The following RUFY4 variants were observed in gnomAD, a reference collection of about 807,000 sequenced individuals.
The protein encoded by RUFY4 is RUN and FYVE domain-containing protein 4.
In RUFY4, 73 loss-of-function variants were observed where a neutral mutation model predicts 69.0. The ratio of observed to expected loss-of-function variants is 1.06; its 90% CI spans 0.88 to 1.29. The LOEUF is 1.29. RUFY4 is among the 50% of genes most tolerant of loss of function. The pLI is 0.00. For missense variants in RUFY4, 770 were observed against 705.6 expected (o/e 1.09, Z -1.03); for synonymous variants, 287 against 271.8 (o/e 1.06, Z -0.55).
At chr2:218,058,285 CA>C (rs772828519) in intron 2 of RUFY4, among the ~76,000 whole-genome samples, 60 of 152,244 alleles carry the variant, frequency 3.9e-4, no homozygotes, top group African/African-American at 1.4e-3. Flanking sequence ...CGTTTTAAAA[CA>C]TTTTCATTGT....
In RUFY4 at chr2:218,060,871, G is replaced by A. The variant is rs775956322; in HGVS notation, c.-1071+2190G>A. 94 of 1,359,098 alleles carry A rather than the reference G, an allele frequency of 6.9e-5. 1 individual carries two copies. Among genetic ancestry groups the A allele is most frequent in the Admixed American group, 3.0e-4 (18 of 59,466 alleles). 84.2% of individuals were successfully genotyped at this position (1,359,098 alleles called of 1,614,324 possible). On this transcript the variant is annotated intron_variant and NMD_transcript_variant, in intron 3 of 13. Transcript: ENST00000457754. ...ACATTGGATGGGTAGAAGGTCCTTC[G>A]GAAAAGCAAGATGCGTAGGGACAGT...
At chr2:218,039,131 C>G (rs1274389036) in intron 2 of RUFY4, among the ~76,000 whole-genome samples, 8 of 152,158 alleles carry the variant, frequency 5.3e-5, no homozygotes, top group Non-Finnish European at 4.4e-5. Context: ...CTTTAAACTT[C>G]CTGTCACTAT....
intron 2 of RUFY4, among the ~76,000 whole-genome samples, chr2:218,054,516 C>G (rs539196868): frequency 6.2e-4 from 92 of 148,574 alleles, no homozygotes; most frequent in African/African-American, 2.1e-3. Flanking sequence ...GATCACACAA[C>G]TGCCCTCCAG....
chr2:218,071,506 G>C (rs1178187521), intron 2 of RUFY4, among the ~76,000 whole-genome samples: 1 of 151,826 alleles, frequency 6.6e-6, no homozygotes, highest in Non-Finnish European at 1.5e-5. Flanking sequence ...AAGCAGGAAG[G>C]CTTTTCTGGG....
At chr2:218,043,894 C>T (rs528908443) in intron 2 of RUFY4, among the ~76,000 whole-genome samples, 1 of 152,228 alleles carries the variant, frequency 6.6e-6, no homozygotes, top group Non-Finnish European at 1.5e-5. Flanking sequence ...ATCTCGGCTT[C>T]CCTCCCATGC....
chr2:218,075,054 G>A, intron 6 of RUFY4, 39 bp from the exon 9 acceptor site: 1 of 1,479,512 alleles, frequency 6.8e-7, no homozygotes, highest in Non-Finnish European at 9.0e-7. Context: ...CAGTGAATTG[G>A]TGCTGAGAGG....
intron 3 of RUFY4, chr2:218,060,521 T>C: frequency 7.7e-7 from 1 of 1,296,012 alleles, no homozygotes; most frequent in Non-Finnish European, 1.1e-6. Flanking sequence ...ATGCCCAGAA[T>C]CTCAGTGGCA....
At chr2:218,088,757 C>T (rs900615167) in intron 9 of RUFY4, among the ~76,000 whole-genome samples, 1 of 152,136 alleles carries the variant, frequency 6.6e-6, no homozygotes, top group Non-Finnish European at 1.5e-5. Flanking sequence ...TCATTTCTCT[C>T]CGTCTTTCTC....
At chr2:218,060,597 G>A (rs780373259) in intron 3 of RUFY4, 1 of 1,342,120 alleles carries the variant, frequency 7.5e-7, no homozygotes, top group South Asian at 1.2e-5. Flanking sequence ...TTCCCATGAG[G>A]GTGTCTGCCA....
Position 218,076,081 on chromosome 2 carries a change from G to A in RUFY4, c.1248+341G>A, listed in dbSNP as rs142897240. Among the ~76,000 whole-genome samples, 14 of 152,260 alleles carry A rather than the reference G, an allele frequency of 9.2e-5. No individual in the cohort carries two copies. In the East Asian group the frequency reaches 1.4e-3, roughly 15 times the overall value. ...TCCTCATGATGGTAAGTCTCTTCCC[G>A]AAATCTAAGTTCTACTGTTGCAGAG... is the stretch of plus-strand genomic sequence containing the variant. On this transcript the variant is annotated intron_variant, in intron 7 of 10. Transcript: ENST00000344321.
chr2:218,073,028 A>C, intron 4 of RUFY4, 143 bp downstream of exon 6: 1 of 953,730 alleles, frequency 1.0e-6, no homozygotes. Flanking sequence ...TCAAGGGAGA[A>C]AGGGCAGAGG....
At chr2:218,089,581 T>C (rs987897826) in intron 10 of RUFY4, 3 of 663,958 alleles carry the variant, frequency 4.5e-6, no homozygotes, top group Admixed American at 4.5e-5. Context: ...GTCCGGGGAG[T>C]GGGATTGGGT....
At chr2:218,069,218 T>A (rs1041742659), upstream of RUFY4, 4 of 152,572 alleles carry the variant, frequency 2.6e-5, no homozygotes, top group Non-Finnish European at 5.9e-5. Context: ...CCCTCCAGGC[T>A]GCTGGGCTGG....
upstream of RUFY4, chr2:218,070,416 A>T (rs4672868): frequency 1.3e-5 from 8 of 635,576 alleles, no homozygotes; most frequent in African/African-American, 1.4e-4. Context: ...ATCTTCACAC[A>T]CTGGCCTACA....
intron 2 of RUFY4, among the ~76,000 whole-genome samples, chr2:218,054,573 G>C (rs76915435): frequency 7.5e-6 from 1 of 133,690 alleles, no homozygotes; most frequent in South Asian, 2.5e-4. Flanking sequence ...AAAAAAAAAA[G>C]ATCAGTGGAC....
At chr2:218,076,331 C>T (rs1306683366) in intron 7 of RUFY4, 96 bp from the exon 10 acceptor site, 3 of 1,478,698 alleles carry the variant, frequency 2.0e-6, no homozygotes, top group Non-Finnish European at 2.7e-6. Flanking sequence ...CAGGGCATGG[C>T]CTGGGGTCTC....
chr2:218,075,496 A>C, exon 7 of RUFY4: 3 of 1,585,116 alleles, frequency 1.9e-6, no homozygotes, highest in Non-Finnish European at 2.6e-6. Context: ...ACTCACAAAA[A>C]GGAAGCAGAG....
chr2:218,075,514 A>G, exon 7 of RUFY4: 2 of 1,566,688 alleles, frequency 1.3e-6, no homozygotes, highest in Non-Finnish European at 1.7e-6. Context: ...GAGTGGAGTC[A>G]CGTCCAGAGG....
At position 218,073,159 on chromosome 2, in the gene RUFY4, G is replaced by A. The variant is rs1689535244; in HGVS notation, c.387-84G>A. The A allele has an allele frequency of 1.0e-5, 15 of 1,490,316 alleles. No homozygotes were observed. The Admixed American group carries it at 1.0e-4, about 10-fold the overall frequency. The allele number at this position is 1,490,316 out of a possible 1,614,324, so 92.3% of individuals were successfully genotyped here. A position where few individuals can be genotyped will look rare whatever the true frequency, so the allele number is the denominator to read the frequency against. ...TGTGTAGTGGAGGCTGCTTTGTTGAGGTTGAGCTGGGGTGGGGGTGGTTGG... is the reference window on the plus strand; with the variant it reads ...TGTGTAGTGGAGGCTGCTTTGTTGAAGTTGAGCTGGGGTGGGGGTGGTTGG... On this transcript the variant is annotated intron_variant, in intron 4 of 10. Coordinates refer to ENST00000344321, the Ensembl canonical transcript of RUFY4.
Sources: allele counts gnomAD v4.1 joint callset (sites outside exome capture counted in the v4.1 genomes callset), GRCh38; gene constraint gnomAD v4.1.1; transcripts MANE v1.5; gene names NCBI Gene and HGNC (gene_info 2026-07-23, HGNC 2026-07-21).